The following STK40 variants were observed in gnomAD, a reference collection of about 807,000 sequenced individuals.
The protein encoded by STK40 is serine/threonine kinase 40.
In STK40, 13 loss-of-function variants were observed where a neutral mutation model predicts 47.9. The observed-to-expected ratio is 0.27, with a 90% CI of 0.18 to 0.43. The LOEUF (loss-of-function observed/expected upper bound fraction) is 0.43, where lower values mean the gene tolerates loss of function less well. Among genes scored for constraint, STK40 ranks in the 20% least tolerant of loss-of-function variants. The pLI is 1.00. For missense variants in STK40, 460 were observed against 595.1 expected, an observed-to-expected ratio of 0.77 and a Z score of 2.36; for synonymous variants, 225 against 243.2, an observed-to-expected ratio of 0.93 and a Z score of 0.69.
intron 2 of STK40, 160 bp from the exon 3 acceptor site, chr1:36,358,982 G>C: frequency 1.5e-6 from 1 of 676,396 alleles, no homozygotes; most frequent in Non-Finnish European, 2.5e-6. Context: ...AGTTTTCAAG[G>C]TCTCCCCTCC....
intron 1 of STK40, among the ~76,000 whole-genome samples, chr1:36,378,758 G>C (rs1003105043): frequency 2.0e-5 from 3 of 152,096 alleles, no homozygotes; most frequent in Non-Finnish European, 4.4e-5. Flanking sequence ...TGCCAGCCGG[G>C]CCTCCTTTTT....
chr1:36,343,264 G>A lies in STK40; in HGVS notation c.1089+100C>T, dbSNP rs1646670665. The A allele has an allele frequency of 2.3e-6, 3 of 1,297,084 alleles. No individual in the cohort carries two copies. The African/African-American group carries it at 4.4e-5, about 19-fold the overall frequency. The allele number at this position is 1,297,084 out of a possible 1,614,324, so 80.3% of individuals were successfully genotyped here. A position where few individuals can be genotyped will look rare whatever the true frequency, so the allele number is the denominator to read the frequency against. On this transcript the variant is annotated intron_variant, in intron 10 of 10. Coordinates refer to ENST00000373132, the MANE Select transcript of STK40 (RefSeq NM_001282547.2). ...TGGGGAAGAAGACCAAGGAAACTCT[G>A]TGGCCTGCGGGTAGCTGCCACCTCT...
intron 3 of STK40, 105 bp downstream of exon 3, chr1:36,358,632 C>CT: frequency 7.6e-7 from 1 of 1,309,448 alleles, no homozygotes; most frequent in South Asian, 1.3e-5. Flanking sequence ...AGAAATGGCG[C>CT]TACTCTTGTT....
intron 1 of STK40, among the ~76,000 whole-genome samples, chr1:36,377,850 A>AC (rs1396236137): frequency 6.6e-6 from 1 of 152,164 alleles, no homozygotes; most frequent in African/African-American, 2.4e-5. Context: ...CCAAGAGCTC[A>AC]CCTGGGCCTT....
Position 36,358,240 on chromosome 1 carries a change from TG to T in STK40, c.340del (p.Gln114ArgfsTer20). On this transcript the variant is annotated frameshift_variant and splice_region_variant, in exon 4 of 11. Coordinates refer to ENST00000373132, the MANE Select transcript of STK40 (RefSeq NM_001282547.2). LOFTEE classifies it high-confidence loss of function. Reference sequence around the variant, plus strand: ...AGGGTGAGGGGGAAGGCCGCTCACCTGGAAGAGGCCGTGGTGGTGCACCACG... The same window carrying T: ...AGGGTGAGGGGGAAGGCCGCTCACCTGAAGAGGCCGTGGTGGTGCACCACG... Reference protein sequence around the residue: ...DGVVHHHGLFQDRTCEIVEDT... With the variant: ...DGVVHHHGLFXDRTCEIVEDT... The T allele has an allele frequency of 1.9e-6, 3 of 1,582,968 alleles. No homozygotes were observed. Among genetic ancestry groups the T allele is most frequent in the Non-Finnish European group, 2.6e-6 (3 of 1,155,608 alleles).
At chr1:36,346,151 C>A (rs145385344) in intron 7 of STK40, among the ~76,000 whole-genome samples, 1 of 150,590 alleles carries the variant, frequency 6.6e-6, no homozygotes, top group African/African-American at 2.5e-5. Flanking sequence ...CCCGCCACCA[C>A]GCCCGGCTAA....
In STK40 at chr1:36,361,276, A is replaced by C; in HGVS notation, c.57T>G (p.Ala19=). 6.2e-7 allele frequency: 1 copy of C among 1,614,174 alleles called. No individual in the cohort carries two copies. The highest frequency in any genetic ancestry group is 8.5e-7 in the Non-Finnish European group (1 of 1,180,028). Residue 19 remains alanine, a synonymous_variant, in exon 2 of 11, where the codon GCT becomes GCG. Transcript: ENST00000373132. The stretch of plus-strand genomic sequence containing the variant: ...TATTTCCAGAAATCCCACTTCCTAG[A>C]GCCTTGGCCCTGGCCGACGTTTCCC... ...GAGETSARAK[A]LGSGISGNNA...
At position 36,369,318 on chromosome 1, in the gene STK40, T is replaced by C. The variant is rs547104503; in HGVS notation, c.-8-7978A>G. Among the ~76,000 whole-genome samples, 4 of 152,114 alleles carry C rather than the reference T, an allele frequency of 2.6e-5. No homozygotes were observed. The East Asian group carries it at 7.7e-4, about 29-fold the overall frequency. On this transcript the variant is annotated intron_variant, in intron 1 of 10. Coordinates refer to ENST00000373132, the MANE Select transcript of STK40 (RefSeq NM_001282547.2). ...GAAGGATGCACTCCATGGGAAGAGC[T>C]CACCTCAGCCACCTGTGTAAGTGGG...
chr1:36,345,985 A>ATTTTTTTTTTT (rs1383008702), intron 7 of STK40, among the ~76,000 whole-genome samples: 4 of 9,808 alleles, frequency 4.1e-4, no homozygotes, highest in Non-Finnish European at 1.1e-3. Context: ...ATATATATAT[A>ATTTTTTTTTTT]TATATATTTT....
chr1:36,358,754 C>A lies in STK40; in HGVS notation c.181G>T (p.Asp61Tyr). The A allele has an allele frequency of 6.2e-7, 1 of 1,614,180 alleles. No individual in the cohort carries two copies. Among genetic ancestry groups the A allele is most frequent in the South Asian group, 1.1e-5 (1 of 91,074 alleles). ...QCLARKDGTD[D>Y]FYQLKILTLE... ...TCACTTACCTTCAGCTGATAGAAGT[C>A]ATCCGTGCCATCTTTCCTCGCCAAA... The change falls in exon 3 of 11, where the codon GAC becomes TAC. Residue 61 changes from aspartate (D) to tyrosine (Y), a missense_variant. Physicochemically the swap from Asp to Tyr is radical, Grantham distance 160 (BLOSUM62 -3). Coordinates refer to ENST00000373132, the MANE Select transcript of STK40 (RefSeq NM_001282547.2).
intron 4 of STK40, among the ~76,000 whole-genome samples, chr1:36,357,593 C>CA (rs548177077): frequency 0.026 from 3,815 of 148,552 alleles, 73 homozygotes; most frequent in Non-Finnish European, 0.042. Flanking sequence ...GTAAATGTCT[C>CA]AAAAAAAAAA....
intron 1 of STK40, among the ~76,000 whole-genome samples, chr1:36,378,647 T>A (rs568133806): frequency 3.9e-5 from 6 of 152,210 alleles, no homozygotes; most frequent in African/African-American, 1.2e-4. Context: ...TTAGTAGAGA[T>A]GTGGTTTCAC....
chr1:36,376,716 G>A (rs930144175), intron 1 of STK40, among the ~76,000 whole-genome samples: 2 of 152,214 alleles, frequency 1.3e-5, no homozygotes, highest in Admixed American at 1.3e-4. Flanking sequence ...TAAGCACACT[G>A]CAGGAATATA....
intron 4 of STK40, among the ~76,000 whole-genome samples, chr1:36,357,715 C>T (rs1240565730): frequency 6.6e-6 from 1 of 152,216 alleles, no homozygotes; most frequent in African/African-American, 2.4e-5. Flanking sequence ...CTCCCGGGCT[C>T]AAGCGATTCT....
chr1:36,351,419 G>T (rs1410421347), intron 6 of STK40, among the ~76,000 whole-genome samples: 1 of 152,102 alleles, frequency 6.6e-6, no homozygotes, highest in Non-Finnish European at 1.5e-5. Flanking sequence ...GCTCCTTCAG[G>T]TCAACTGAAC....
intron 2 of STK40, among the ~76,000 whole-genome samples, chr1:36,359,819 C>T (rs901359439): frequency 4.6e-5 from 7 of 152,218 alleles, no homozygotes; most frequent in African/African-American, 1.7e-4. Flanking sequence ...TTCCCTGTCC[C>T]ATGCCACACT....
chr1:36,361,814 G>A lies in STK40; in HGVS notation c.-8-474C>T, dbSNP rs920921984. On this transcript the variant is annotated intron_variant, in intron 1 of 10. Coordinates refer to ENST00000373132, the MANE Select transcript of STK40 (RefSeq NM_001282547.2). ...GACCCGAGGTGCCCATTCCTGGCCC[G>A]TATCTGGACAGTGGGCCCCAGGAAT... Among the ~76,000 whole-genome samples, 8 of 152,092 alleles carry A rather than the reference G, an allele frequency of 5.3e-5. 1 individual carries two copies. The highest frequency in any genetic ancestry group is 4.2e-4 in the South Asian group (2 of 4,816).
rs78605319 is a variant in STK40 at position 36,345,850 on chromosome 1, C to T, written c.740-1586G>A. Among the ~76,000 whole-genome samples the T allele has an allele frequency of 6.8e-3, 1,024 of 151,114 alleles. 15 individuals carry two copies. Among genetic ancestry groups the T allele is most frequent in the African/African-American group, 0.024 (976 of 41,016 alleles). ...TGAATGGCCCCTCCCCAGACAAACT[C>T]GCTGGGAGCCTGACCTGGGCAGGCG... On this transcript the variant is annotated intron_variant, in intron 7 of 10. Transcript: ENST00000373132.
chr1:36,384,602 T>C (rs1467526989), intron 1 of STK40, among the ~76,000 whole-genome samples: 2 of 152,214 alleles, frequency 1.3e-5, no homozygotes, highest in East Asian at 3.8e-4. Context: ...AGCCAGAATT[T>C]GAACTCAGGA....
Sources: gnomAD v4.1 joint callset for allele counts (sites outside exome capture counted in the v4.1 genomes callset) on GRCh38, gnomAD v4.1.1 for gene constraint, MANE v1.5 for transcripts, NCBI Gene and HGNC (gene_info 2026-07-23, HGNC 2026-07-21) for gene names.